The following LRFN2 variants were observed in gnomAD, a reference collection of about 807,000 sequenced individuals.
LRFN2 encodes the protein leucine rich repeat and fibronectin type III domain containing 2, also known as leucine-rich repeat and fibronectin type-III domain-containing protein 2.
A neutral mutation model predicts 37.3 loss-of-function variants in LRFN2; 18 were observed. The observed-to-expected ratio is 0.48, with a 90% confidence interval of 0.33 to 0.72. The LOEUF (loss-of-function observed/expected upper bound fraction) is 0.72. Ranked by LOEUF, LRFN2 falls within the 30% of genes least tolerant of loss-of-function variation. The probability of loss-of-function intolerance (pLI) is 0.02; values close to 1 mark genes in which losing one functional copy is unlikely to be tolerated. For synonymous variants in LRFN2, 556 were observed against 466.6 expected, an observed-to-expected ratio of 1.19 and a Z score of -2.47; for missense variants, 1,006 against 1,060.7, an observed-to-expected ratio of 0.95 and a Z score of 0.72.
intron 1 of LRFN2, among the ~76,000 whole-genome samples, chr6:40,531,482 C>T (rs1766341631): frequency 6.6e-6 from 1 of 152,122 alleles, no homozygotes; most frequent in South Asian, 2.1e-4. Flanking sequence ...ACAAAGTATG[C>T]CTCAAGATAG....
At chr6:40,581,422 A>T (rs139018548) in intron 1 of LRFN2, among the ~76,000 whole-genome samples, 16 of 152,288 alleles carry the variant, frequency 1.1e-4, no homozygotes, top group African/African-American at 3.8e-4. Flanking sequence ...AGCTAAAAGG[A>T]GAGCTCATTC....
At chr6:40,551,428 C>T (rs1022540743) in intron 1 of LRFN2, among the ~76,000 whole-genome samples, 9 of 152,318 alleles carry the variant, frequency 5.9e-5, no homozygotes, top group African/African-American at 1.9e-4. Context: ...AAGGCCTGCT[C>T]AAGCTTCTCC....
chr6:40,503,679 G>A (rs1198423746), intron 1 of LRFN2, among the ~76,000 whole-genome samples: 2 of 152,168 alleles, frequency 1.3e-5, no homozygotes, highest in Non-Finnish European at 2.9e-5. Context: ...CCAGGGAGAG[G>A]GTAGAGCACT....
In LRFN2 at chr6:40,392,515, G is replaced by A. The variant is rs769108427; in HGVS notation, c.1798C>T (p.Pro600Ser). ...APAGAPPQGPPKVVVRNELLD... is the reference protein window; with the variant it reads ...APAGAPPQGPSKVVVRNELLD... ...AGCTCGTTGCGCACCACCACCTTCG[G>A]CGGGCCCTGCGGCGGGGCCCCGGCT... Residue 600 changes from proline (P) to serine (S), a missense_variant, in exon 3 of 3, where the codon CCG becomes TCG. Physicochemically the swap from Pro to Ser is moderately conservative, Grantham distance 74. Coordinates refer to ENST00000338305, the MANE Select transcript of LRFN2 (RefSeq NM_020737.3). This position sits in a 1 kb window ranked among gnomAD's most constrained non-coding sequence, Gnocchi z 4.7. 1 of 1,586,692 alleles carries A rather than the reference G, an allele frequency of 6.3e-7. No homozygotes were observed. The highest frequency in any genetic ancestry group is 8.6e-7 in the Non-Finnish European group (1 of 1,168,926).
At chr6:40,458,316 T>C (rs1379538218) in intron 1 of LRFN2, among the ~76,000 whole-genome samples, 2 of 152,192 alleles carry the variant, frequency 1.3e-5, no homozygotes, top group Non-Finnish European at 2.9e-5. Context: ...TTCACTGCAA[T>C]TGGTGCAGGC....
chr6:40,414,696 T>C (rs891900098), intron 2 of LRFN2, among the ~76,000 whole-genome samples: 42 of 152,320 alleles, frequency 2.8e-4, no homozygotes, highest in Non-Finnish European at 5.1e-4. Context: ...AATGTTTTAT[T>C]GAAGATTGAA....
intron 1 of LRFN2, among the ~76,000 whole-genome samples, chr6:40,511,026 G>A (rs1765691388): frequency 6.6e-6 from 1 of 152,256 alleles, no homozygotes; most frequent in African/African-American, 2.4e-5. Flanking sequence ...GGCATTCCAG[G>A]GGAGGGAGAG....
At chr6:40,553,204 A>G (rs1766810946) in intron 1 of LRFN2, among the ~76,000 whole-genome samples, 2 of 152,218 alleles carry the variant, frequency 1.3e-5, no homozygotes, top group East Asian at 3.8e-4. Flanking sequence ...TAGGTGGCTT[A>G]GCCTGCCTTT....
At chr6:40,562,856 C>T (rs1053331607) in intron 1 of LRFN2, among the ~76,000 whole-genome samples, 2 of 151,952 alleles carry the variant, frequency 1.3e-5, no homozygotes, top group African/African-American at 2.4e-5. Flanking sequence ...CACACACACA[C>T]ACACACACAC....
chr6:40,432,758 G>A lies in LRFN2; in HGVS notation c.356C>T (p.Thr119Ile), dbSNP rs755631730. The A allele has an allele frequency of 1.2e-6, 2 of 1,614,198 alleles. No individual in the cohort carries two copies. Among genetic ancestry groups the A allele is most frequent in the Non-Finnish European group, 1.7e-6 (2 of 1,180,038 alleles). Reference sequence around the variant, plus strand: ...CTGCAGGTTGACCAGGCCCCGGAGGGTGTCCTCCCCAAGGCTTGGCAGCCG... The same window carrying A: ...CTGCAGGTTGACCAGGCCCCGGAGGATGTCCTCCCCAAGGCTTGGCAGCCG... ...SNRLPSLGED[T>I]LRGLVNLQHL... is the part of the protein sequence containing the mutation. Residue 119 changes from threonine to isoleucine, a missense_variant, in exon 2 of 3, where the codon ACC becomes ATC. Physicochemically the swap from Thr to Ile is moderately conservative, Grantham distance 89. Transcript: ENST00000338305.
chr6:40,392,679 G>A lies in LRFN2; in HGVS notation c.1634C>T (p.Thr545Met), dbSNP rs766042098. 2.4e-5 allele frequency: 38 copies of A among 1,613,816 alleles called. No individual in the cohort carries two copies. Among genetic ancestry groups the A allele is most frequent in the African/African-American group, 1.3e-4 (10 of 74,940 alleles). The change falls in exon 3 of 3, where the codon ACG becomes ATG. Residue 545 changes from threonine to methionine, a missense_variant. Coordinates refer to ENST00000338305, the MANE Select transcript of LRFN2 (RefSeq NM_020737.3). The surrounding 1 kb of genome is among the most constrained non-coding windows in gnomAD (Gnocchi z 4.7). Reference sequence around the variant, plus strand: ...GAGGATGACGATGAAGACCAGCAGCGTGGCCACGATGATGCCCCCGATGAC... The same window carrying A: ...GAGGATGACGATGAAGACCAGCAGCATGGCCACGATGATGCCCCCGATGAC... ...ILVIGGIIVA[T>M]LLVFIVILMV... is the part of the protein sequence containing the mutation.
chr6:40,455,234 T>C (rs1259526510), intron 1 of LRFN2, among the ~76,000 whole-genome samples: 1 of 152,256 alleles, frequency 6.6e-6, no homozygotes, highest in Admixed American at 6.5e-5. Context: ...CTGTCACTCC[T>C]CAATATGCAA....
intron 1 of LRFN2, among the ~76,000 whole-genome samples, chr6:40,559,897 T>C (rs1042998572): frequency 6.6e-6 from 1 of 152,154 alleles, no homozygotes; most frequent in Non-Finnish European, 1.5e-5. Flanking sequence ...AGCTGGTAAA[T>C]AGGGCTGGCC....
At chr6:40,481,718 C>T (rs560724296) in intron 1 of LRFN2, among the ~76,000 whole-genome samples, 63 of 152,174 alleles carry the variant, frequency 4.1e-4, no homozygotes, top group Non-Finnish European at 7.2e-4. Context: ...AGTGACTGTG[C>T]CAAATGCTCC....
intron 1 of LRFN2, among the ~76,000 whole-genome samples, chr6:40,526,527 C>T (rs959778913): frequency 9.9e-5 from 15 of 152,160 alleles, no homozygotes; most frequent in Admixed American, 5.2e-4. Flanking sequence ...ACCTGCATGA[C>T]GTTCTCTCCC....
rs1455123746 is a variant in LRFN2, at chr6:40,466,908, C to T, written c.-18-33777G>A. Among the ~76,000 whole-genome samples the T allele has an allele frequency of 2.6e-5, 4 of 151,920 alleles. No homozygotes were observed. In the East Asian group the frequency reaches 7.7e-4, roughly 29 times the overall value. On this transcript the variant is annotated intron_variant, in intron 1 of 2. Transcript: ENST00000338305. ...TATATGGGGCCGTAATCCCATGTGC[C>T]TGGTATTCTTAAAAGAAGTAAAAGT...
At chr6:40,460,435 G>A (rs112958955) in intron 1 of LRFN2, among the ~76,000 whole-genome samples, 8 of 152,250 alleles carry the variant, frequency 5.3e-5, no homozygotes, top group African/African-American at 1.9e-4. Context: ...CCTACCATGA[G>A]CATAGGAGGG....
At chr6:40,509,460 A>G (rs1765634519) in intron 1 of LRFN2, among the ~76,000 whole-genome samples, 1 of 152,256 alleles carries the variant, frequency 6.6e-6, no homozygotes, top group Non-Finnish European at 1.5e-5. Flanking sequence ...ATAATGAAAG[A>G]GTAGAGAGCA....
rs550926012 is a variant in LRFN2, at chr6:40,509,902, T to C, written c.-18-76771A>G. Among the ~76,000 whole-genome samples, 21 of 147,786 alleles carry C rather than the reference T, an allele frequency of 1.4e-4. No homozygotes were observed. The East Asian group carries it at 3.9e-3, about 28-fold the overall frequency. ...GGGCTGCGTAGGTAGTGGGGGTGAG[T>C]GCATGCATGCCAGTATGCCAGGGAA... On this transcript the variant is annotated intron_variant, in intron 1 of 2. Transcript: ENST00000338305.
Sources: allele counts gnomAD v4.1 joint callset (sites outside exome capture counted in the v4.1 genomes callset), GRCh38; gene constraint gnomAD v4.1.1; non-coding constraint Gnocchi (gnomAD v3.1); transcripts MANE v1.5; gene names NCBI Gene and HGNC (gene_info 2026-07-23, HGNC 2026-07-21).